RELCH: variants seen among roughly 807,000 people sequenced by gnomAD.
RELCH encodes the protein RAB11 binding and LisH domain, coiled-coil and HEAT repeat containing.
RELCH carries 41 observed loss-of-function variants against 150.3 expected under a neutral mutation model. That is an observed-to-expected ratio of 0.27 (90% CI 0.21 to 0.35). RELCH has a LOEUF of 0.35. Ranked by LOEUF, RELCH falls within the 10% of genes least tolerant of loss-of-function variation. RELCH has a pLI of 1.00. For synonymous variants in RELCH, 478 were observed against 531.8 expected (o/e 0.90, Z 1.39); for missense variants, 1,092 against 1,467.8 (o/e 0.74, Z 4.18).
chr18:62,188,028 C>T lies in RELCH; in HGVS notation c.523C>T (p.Leu175Phe), dbSNP rs767492867. ...EPSTASGGGQ[L>F]NRAGSISTLD... ...GAGTACAGCGTCGGGCGGGGGACAG[C>T]TCAGTAAGTGGACGCAGCCTGTCAC... The change falls in exon 1 of 29, where the codon CTC (leucine) becomes TTC (phenylalanine). Residue 175 changes from leucine to phenylalanine, a missense_variant. Physicochemically the swap from Leu to Phe is conservative, Grantham distance 22. Around this residue, in one of 4 missense-constraint regions of RELCH, gnomAD observed 190 missense variants for 276.2 expected, o/e 0.69. Transcript: ENST00000644646. 69 of 1,559,892 alleles carry T rather than the reference C, an allele frequency of 4.4e-5. No homozygotes were observed. The highest frequency in any genetic ancestry group is 5.9e-5 in the Non-Finnish European group (68 of 1,153,200).
At chr18:62,277,165 G>GT (rs1486394959) in intron 22 of RELCH, among the ~76,000 whole-genome samples, 3 of 152,030 alleles carry the variant, frequency 2.0e-5, no homozygotes, top group South Asian at 2.1e-4. Flanking sequence ...TTGTTTTGAG[G>GT]TTTTTTGCTT....
rs1045207314 is a variant in RELCH, at chr18:62,187,977, G to A, written c.472G>A (p.Val158Ile). The change falls in exon 1 of 29, where the codon GTT (valine) becomes ATT (isoleucine). Residue 158 changes from valine to isoleucine, a missense_variant. Val to Ile is a conservative substitution (Grantham distance 29). Coordinates refer to ENST00000644646, the MANE Select transcript of RELCH (RefSeq NM_001346231.2). ...GAPGVPGAAG[V>I]GGAGGREPST... is the part of the protein sequence containing the mutation. ...GCCAGGGGTCCCTGGAGCAGCCGGCGTTGGGGGCGCTGGAGGTCGGGAACC... is the reference window on the plus strand; with the variant it reads ...GCCAGGGGTCCCTGGAGCAGCCGGCATTGGGGGCGCTGGAGGTCGGGAACC... 3.1e-6 allele frequency: 5 copies of A among 1,600,562 alleles called. No homozygotes were observed. In the Admixed American group the frequency reaches 5.2e-5, roughly 17 times the overall value.
At chr18:62,196,232 TTTC>T (rs952916241) in intron 1 of RELCH, among the ~76,000 whole-genome samples, 3 of 150,826 alleles carry the variant, frequency 2.0e-5, no homozygotes, top group Non-Finnish European at 4.4e-5. Context: ...TTTCTTTTCT[TTTC>T]TTTTCTTTTT....
At chr18:62,302,314 T>A (rs1043648177) in intron 28 of RELCH, among the ~76,000 whole-genome samples, 4 of 152,146 alleles carry the variant, frequency 2.6e-5, no homozygotes, top group Non-Finnish European at 5.9e-5. Flanking sequence ...TAAGAACCAT[T>A]AGCAGCATAT....
intron 19 of RELCH, among the ~76,000 whole-genome samples, chr18:62,268,125 T>C (rs1009651343): frequency 1.3e-5 from 2 of 152,034 alleles, no homozygotes; most frequent in Non-Finnish European, 2.9e-5. Context: ...TATAGTATAG[T>C]AAAAAACTAT....
chr18:62,231,307 C>G (rs1167638720), intron 9 of RELCH, 38 bp downstream of exon 9: 1 of 1,271,200 alleles, frequency 7.9e-7, no homozygotes, highest in South Asian at 1.2e-5. Flanking sequence ...TTTTTAAAAA[C>G]ATTCTACTGT....
At chr18:62,256,101 A>G (rs78261444) in intron 13 of RELCH, among the ~76,000 whole-genome samples, 2,593 of 152,186 alleles carry the variant, frequency 0.017, 85 homozygotes, top group East Asian at 0.13. Flanking sequence ...TGCATACTGA[A>G]AAATTATAGC....
chr18:62,240,443 C>G (rs2148478459), intron 10 of RELCH, among the ~76,000 whole-genome samples: 1 of 139,870 alleles, frequency 7.1e-6, no homozygotes, highest in East Asian at 2.1e-4. Flanking sequence ...GGGTCTCACT[C>G]TGTCACCCAG....
rs2041743542 is a variant in RELCH at position 62,234,078 on chromosome 18, C to T, written c.1620+1651C>T. Among the ~76,000 whole-genome samples, 3 of 151,776 alleles carry T rather than the reference C, an allele frequency of 2.0e-5. No homozygotes were observed. The South Asian group carries it at 6.2e-4, about 32-fold the overall frequency. On this transcript the variant is annotated intron_variant, in intron 10 of 28. Coordinates refer to ENST00000644646, the MANE Select transcript of RELCH (RefSeq NM_001346231.2). ...TTGTATGTTTTATCAGAAAAGTTGC[C>T]ATTTATAATAAAATGAAATTGTATT...
rs139247792 is a variant in RELCH, at chr18:62,189,735, A to T, written c.526+1704A>T. On this transcript the variant is annotated intron_variant, in intron 1 of 28. Transcript: ENST00000644646. ...AAATTCCTCCTTGCAAACTTTTTGTATTGAAAGAATTATAATTGAGCTCAT... is the reference window on the plus strand; with the variant it reads ...AAATTCCTCCTTGCAAACTTTTTGTTTTGAAAGAATTATAATTGAGCTCAT... Among the ~76,000 whole-genome samples, 117 of 151,424 alleles carry T rather than the reference A, an allele frequency of 7.7e-4. 1 individual carries two copies. Among genetic ancestry groups the T allele is most frequent in the Non-Finnish European group, 1.4e-3 (94 of 68,020 alleles).
intron 2 of RELCH, chr18:62,220,783 ATTCCT>A: frequency 2.1e-6 from 1 of 480,922 alleles, no homozygotes; most frequent in South Asian, 2.4e-5. Context: ...AAATAGAGCT[ATTCCT>A]TGTCAGACAG....
rs748251977 is a variant in RELCH, at chr18:62,280,672, C to T, written c.3077C>T (p.Ala1026Val). The T allele has an allele frequency of 2.5e-6, 4 of 1,611,276 alleles. No homozygotes were observed. In the Admixed American group the frequency reaches 5.0e-5, roughly 20 times the overall value. ...EISVRIATIPAFGTIMETVIQ... is the reference protein window; with the variant it reads ...EISVRIATIPVFGTIMETVIQ... ...TCTGTCAGGATTGCCACAATTCCAG[C>T]CTTTGGCACTATTATGGAAACAGTA... The change falls in exon 24 of 29, where the codon GCC (alanine) becomes GTC (valine). Residue 1026 changes from alanine to valine, a missense_variant. This residue lies in a region of RELCH where 707 missense variants were observed against 1,025.4 expected (regional missense o/e 0.69). Transcript: ENST00000644646.
At chr18:62,248,120 T>G (rs1001764830) in intron 11 of RELCH, among the ~76,000 whole-genome samples, 1 of 152,202 alleles carries the variant, frequency 6.6e-6, no homozygotes, top group African/African-American at 2.4e-5. Context: ...ATTTTGGCAT[T>G]AATTACTGCT....
rs1213090827 is a variant in RELCH, at chr18:62,221,199, CT to C, written c.689-18del. On this transcript the variant is annotated intron_variant, in intron 3 of 28. Transcript: ENST00000644646. ...TAAAATGTAAAATAGTAAAATAGTA[CT>C]TATGTTTTTTTCCACCAGAACATGA... The C allele has an allele frequency of 1.2e-6, 2 of 1,601,786 alleles. No individual in the cohort carries two copies. The highest frequency in any genetic ancestry group is 2.7e-5 in the African/African-American group (2 of 74,546).
At chr18:62,192,606 G>A in intron 1 of RELCH, among the ~76,000 whole-genome samples, 1 of 152,124 alleles carries the variant, frequency 6.6e-6, no homozygotes. Context: ...TTCTGCATAT[G>A]GCTAGCCAGT....
intron 16 of RELCH, 143 bp downstream of exon 16, chr18:62,261,801 T>TC: frequency 1.5e-6 from 1 of 645,756 alleles, no homozygotes; most frequent in South Asian, 2.4e-5. Flanking sequence ...AATCTCATGG[T>TC]CATAAGATTA....
chr18:62,254,510 A>C (rs1461455867), intron 12 of RELCH, among the ~76,000 whole-genome samples: 2 of 151,826 alleles, frequency 1.3e-5, no homozygotes, highest in African/African-American at 4.8e-5. Flanking sequence ...TGACATTCAA[A>C]CATTCTACTT....
Position 62,275,443 on chromosome 18 carries a change from C to T in RELCH, c.2937C>T (p.Leu979=), listed in dbSNP as rs563712471. ...LWYGVVHTSA[L]VRCTAARMFE... ...ATGGTGTTGTCCATACTTCAGCACTCGTGAGGTGTACTGCTGCTAGAATGT... is the reference window on the plus strand; with the variant it reads ...ATGGTGTTGTCCATACTTCAGCACTTGTGAGGTGTACTGCTGCTAGAATGT... Residue 979 remains leucine, a synonymous_variant, in exon 22 of 29, where the codon CTC becomes CTT. Transcript: ENST00000644646. 1.9e-5 allele frequency: 31 copies of T among 1,607,434 alleles called. No individual in the cohort carries two copies. The Middle Eastern group carries it at 6.6e-4, about 34-fold the overall frequency.
chr18:62,298,559 A>G (rs2045525368), intron 27 of RELCH, among the ~76,000 whole-genome samples: 1 of 152,190 alleles, frequency 6.6e-6, no homozygotes, highest in South Asian at 2.1e-4. Flanking sequence ...ATTTAGAAAG[A>G]AGACTAGTGA....
Sources: gnomAD v4.1 joint callset for allele counts (sites outside exome capture counted in the v4.1 genomes callset) on GRCh38, gnomAD v4.1.1 for gene constraint, gnomAD v4.1.1 regional missense constraint, MANE v1.5 for transcripts, NCBI Gene and HGNC (gene_info 2026-07-23, HGNC 2026-07-21) for gene names.